The following PTPRG variants were observed in gnomAD, a reference collection of about 807,000 sequenced individuals.
PTPRG encodes protein tyrosine phosphatase receptor type G.
PTPRG carries 102 observed loss-of-function variants against 165.3 expected under a neutral mutation model. The observed-to-expected ratio is 0.62, with a 90% CI of 0.53 to 0.73. The LOEUF is 0.73. Among genes scored for constraint, PTPRG ranks in the 30% least tolerant of loss-of-function variants. PTPRG has a pLI of 0.00. For synonymous variants in PTPRG, 675 were observed against 669.5 expected (o/e 1.01, Z -0.13); for missense variants, 1,866 against 1,861.4 (o/e 1.00, Z -0.05).
At chr3:61,664,247 C>A (rs1702746094) in intron 1 of PTPRG, among the ~76,000 whole-genome samples, 1 of 152,090 alleles carries the variant, frequency 6.6e-6, no homozygotes, top group African/African-American at 2.4e-5. Context: ...GTGTCACGCC[C>A]CTCGCATTTT....
intron 2 of PTPRG, among the ~76,000 whole-genome samples, chr3:61,862,925 G>C (rs1319975729): frequency 1.3e-5 from 2 of 152,024 alleles, no homozygotes; most frequent in Non-Finnish European, 2.9e-5. Context: ...AACTTTGTGG[G>C]GTCTTAATTG....
At chr3:61,992,645 G>A (rs1025197046) in intron 3 of PTPRG, among the ~76,000 whole-genome samples, 1 of 152,058 alleles carries the variant, frequency 6.6e-6, no homozygotes, top group Non-Finnish European at 1.5e-5. Flanking sequence ...TCAGCAACCC[G>A]AGTAGCTGGG....
chr3:61,715,403 G>C (rs1559570878), intron 1 of PTPRG, among the ~76,000 whole-genome samples: 2 of 151,928 alleles, frequency 1.3e-5, no homozygotes, highest in Admixed American at 1.3e-4. Flanking sequence ...TTTTTCTGTA[G>C]AGACCAGGTT....
chr3:61,686,022 A>G (rs1239390956), intron 1 of PTPRG, among the ~76,000 whole-genome samples: 1 of 152,202 alleles, frequency 6.6e-6, no homozygotes, highest in Non-Finnish European at 1.5e-5. Context: ...TTTGCAAAGC[A>G]TCTGCCAGGA....
intron 24 of PTPRG, 44 bp from the exon 25 acceptor site, chr3:62,276,928 T>C (rs776653012): frequency 4.7e-6 from 7 of 1,488,020 alleles, no homozygotes; most frequent in Non-Finnish European, 6.6e-6. Context: ...GTTCTGTGTG[T>C]ATAATAAGGC....
intron 28 of PTPRG, among the ~76,000 whole-genome samples, chr3:62,291,817 C>G (rs1170784822): frequency 4.6e-5 from 7 of 152,060 alleles, no homozygotes; most frequent in African/African-American, 1.7e-4. Context: ...TACTACCTTT[C>G]TAAGACTTTT....
chr3:62,082,136 A>G (rs1433314817), intron 5 of PTPRG, among the ~76,000 whole-genome samples: 3 of 152,258 alleles, frequency 2.0e-5, no homozygotes, highest in Non-Finnish European at 4.4e-5. Flanking sequence ...AGGCAAGGCC[A>G]AGTTCTGCAG....
chr3:61,692,924 C>T (rs1022130040), intron 1 of PTPRG, among the ~76,000 whole-genome samples: 3 of 152,184 alleles, frequency 2.0e-5, no homozygotes, highest in African/African-American at 7.2e-5. Context: ...TACTTCTGTA[C>T]ATGCACCTAT....
At chr3:61,621,051 A>ATATATGTGTGTGTGTG in intron 1 of PTPRG, among the ~76,000 whole-genome samples, 7 of 117,946 alleles carry the variant, frequency 5.9e-5, no homozygotes, top group East Asian at 2.8e-4. Flanking sequence ...ATATATATAT[A>ATATATGTGTGTGTGTG]TGTGTGTGTG....
At chr3:61,753,110 C>T (rs2033507954) in intron 2 of PTPRG, among the ~76,000 whole-genome samples, 1 of 152,084 alleles carries the variant, frequency 6.6e-6, no homozygotes, top group South Asian at 2.1e-4. Context: ...TTTGTTGTTT[C>T]TCTGGATCTT....
chr3:61,652,191 C>T lies in PTPRG; in HGVS notation c.85+89819C>T, dbSNP rs562353030. ...GGTATGGTGGTGGATGCCTGTAATCCCAGCTACTTGAGAGGCTGAGGCAGA... is the reference window on the plus strand; with the variant it reads ...GGTATGGTGGTGGATGCCTGTAATCTCAGCTACTTGAGAGGCTGAGGCAGA... On this transcript the variant is annotated intron_variant, in intron 1 of 29. Transcript: ENST00000474889. Among the ~76,000 whole-genome samples, 360 of 152,008 alleles carry T rather than the reference C, an allele frequency of 2.4e-3. 2 individuals carry two copies. The highest frequency in any genetic ancestry group is 8.4e-3 in the African/African-American group (349 of 41,438).
intron 2 of PTPRG, among the ~76,000 whole-genome samples, chr3:61,835,377 A>G (rs1317679321): frequency 3.3e-5 from 5 of 152,066 alleles, no homozygotes; most frequent in Non-Finnish European, 7.4e-5. Context: ...CCCCTTCCCC[A>G]GGCTGGAGTG....
intron 4 of PTPRG, among the ~76,000 whole-genome samples, chr3:62,032,139 G>C (rs1699789206): frequency 6.6e-6 from 1 of 152,186 alleles, no homozygotes; most frequent in Non-Finnish European, 1.5e-5. Flanking sequence ...AGACATCTTG[G>C]GGAAGGTAGA....
chr3:61,980,054 A>T (rs1166368064), intron 2 of PTPRG, among the ~76,000 whole-genome samples: 1 of 151,974 alleles, frequency 6.6e-6, no homozygotes, highest in Non-Finnish European at 1.5e-5. Flanking sequence ...TGTGATTGAA[A>T]TTTCTCATGA....
chr3:61,916,551 A>G (rs182470287), intron 2 of PTPRG, among the ~76,000 whole-genome samples: 124 of 152,330 alleles, frequency 8.1e-4, no homozygotes, highest in African/African-American at 2.9e-3. Context: ...GTAACATGAG[A>G]TCATGATAAT....
At chr3:62,283,849 A>G (rs1352670183) in intron 28 of PTPRG, among the ~76,000 whole-genome samples, 3 of 152,136 alleles carry the variant, frequency 2.0e-5, no homozygotes, top group African/African-American at 4.8e-5. Context: ...AAAATTTTAC[A>G]GTCTTTCAAA....
intron 2 of PTPRG, among the ~76,000 whole-genome samples, chr3:61,933,674 G>A (rs2039415870): frequency 7.8e-6 from 1 of 128,548 alleles, no homozygotes; most frequent in Non-Finnish European, 1.6e-5. Context: ...ATTGACGGTG[G>A]CCACTGACGC....
intron 1 of PTPRG, among the ~76,000 whole-genome samples, chr3:61,587,807 C>A (rs1165451425): frequency 6.6e-6 from 1 of 152,072 alleles, no homozygotes; most frequent in Admixed American, 6.6e-5. Flanking sequence ...CAGGTGCACA[C>A]CACCATGTCC....
chr3:62,278,592 G>GT (rs1465110392), intron 26 of PTPRG, among the ~76,000 whole-genome samples: 1 of 151,988 alleles, frequency 6.6e-6, no homozygotes, highest in Non-Finnish European at 1.5e-5. Flanking sequence ...AGATTAATGA[G>GT]TTTTTTAATC....
Sources: gnomAD v4.1 joint callset for allele counts (sites outside exome capture counted in the v4.1 genomes callset) on GRCh38, gnomAD v4.1.1 for gene constraint, MANE v1.5 for transcripts, NCBI Gene and HGNC (gene_info 2026-07-23, HGNC 2026-07-21) for gene names.